Variants in PTPRN observed in about 807,000 individuals in gnomAD.
The protein encoded by PTPRN is receptor-type tyrosine-protein phosphatase-like N.
A neutral mutation model predicts 108.5 loss-of-function variants in PTPRN; 70 were observed. That is an observed-to-expected ratio of 0.65 (90% CI 0.53 to 0.79). The LOEUF (loss-of-function observed/expected upper bound fraction) is 0.79. PTPRN is among the 30% of genes least tolerant of loss of function. The pLI is 0.00. For synonymous variants in PTPRN, 496 were observed against 524.6 expected (o/e 0.95, Z 0.75); for missense variants, 1,136 against 1,295.5 (o/e 0.88, Z 1.89).
chr2:219,307,677 T>C (rs1277363519), intron 2 of PTPRN, 115 bp downstream of exon 2: 1 of 1,476,960 alleles, frequency 6.8e-7, no homozygotes. Context: ...CAGGCAAGTC[T>C]TCCTTCTTCT....
At position 219,290,488 on chromosome 2, in the gene PTPRN, G is replaced by T; in HGVS notation, c.2868+50C>A. On this transcript the variant is annotated intron_variant, in intron 22 of 22. Transcript: ENST00000295718. This position sits in a 1 kb window ranked among gnomAD's most constrained non-coding sequence, Gnocchi z 4.2. ...CTTTCCCTGGGGTGGCCAAGAAGTG[G>T]GTGCTAGGGAAGGGTGGGAGCTGGG... 6.6e-7 allele frequency: 1 copy of T among 1,514,192 alleles called. No homozygotes were observed. Among genetic ancestry groups the T allele is most frequent in the Non-Finnish European group, 9.0e-7 (1 of 1,114,380 alleles). The allele number at this position is 1,514,192 out of a possible 1,614,324, so 93.8% of individuals were successfully genotyped here.
chr2:219,299,013 G>A (rs751648962), intron 12 of PTPRN, 34 bp downstream of exon 12: 17 of 1,611,714 alleles, frequency 1.1e-5, no homozygotes, highest in Admixed American at 3.3e-5. Flanking sequence ...TCAGCCCTCT[G>A]GGGACTTGGA....
chr2:219,298,974 T>A, intron 12 of PTPRN, 73 bp downstream of exon 12: 1 of 1,569,282 alleles, frequency 6.4e-7, no homozygotes, highest in South Asian at 1.1e-5. Flanking sequence ...TTCTCCCCTC[T>A]GGTTTGCCTC....
chr2:219,299,822 G>A, intron 9 of PTPRN, 36 bp from the exon 10 acceptor site: 1 of 1,575,936 alleles, frequency 6.3e-7, no homozygotes, highest in Non-Finnish European at 8.7e-7. Context: ...GGAAAGTGGG[G>A]CAACCCTCTC....
Position 219,296,023 on chromosome 2 carries a change from GACAC to G in PTPRN, c.2508+199_2508+202del, listed in dbSNP as rs574826868. 1 of 663,954 alleles carries G rather than the reference GACAC, an allele frequency of 1.5e-6. No individual in the cohort carries two copies. Among genetic ancestry groups the G allele is most frequent in the African/African-American group, 1.8e-5 (1 of 54,624 alleles). The allele number at this position is 663,954 out of a possible 1,614,324, so 41.1% of individuals were successfully genotyped here. A position where few individuals can be genotyped will look rare whatever the true frequency, so the allele number is the denominator to read the frequency against. On this transcript the variant is annotated intron_variant, in intron 18 of 22. Transcript: ENST00000295718. The surrounding 1 kb of genome is among the most constrained non-coding windows in gnomAD (Gnocchi z 6.0). The stretch of plus-strand genomic sequence containing the variant: ...ACACACATGTATGTTCTGTAAACAG[GACAC>G]ACACATGTATATATGTGAATATATG...
Position 219,296,649 on chromosome 2 carries a change from CA to C in PTPRN, c.2310+99del. 6.4e-7 allele frequency: 1 copy of C among 1,564,624 alleles called. No individual in the cohort carries two copies. The highest frequency in any genetic ancestry group is 8.8e-7 in the Non-Finnish European group (1 of 1,142,646). On this transcript the variant is annotated intron_variant, in intron 16 of 22. Coordinates refer to ENST00000295718, the MANE Select transcript of PTPRN (RefSeq NM_002846.4). This position sits in a 1 kb window ranked among gnomAD's most constrained non-coding sequence, Gnocchi z 6.0. Reference sequence around the variant, plus strand: ...GCTAGGATATCAGGCCCCACCACTCCAGGGGGTTGGTGGGGTGGCAGGTGAC... The same window carrying C: ...GCTAGGATATCAGGCCCCACCACTCCGGGGGTTGGTGGGGTGGCAGGTGAC...
Position 219,297,167 on chromosome 2 carries a change from C to G in PTPRN, c.2089-35G>C, listed in dbSNP as rs1163608607. ...CACCACGGTCTGGCTCTGGCCCACA[C>G]AGCCAGCCTGGCCTCTCTCACCATC... is the stretch of plus-strand genomic sequence containing the variant. On this transcript the variant is annotated intron_variant, in intron 14 of 22. Coordinates refer to ENST00000295718, the MANE Select transcript of PTPRN (RefSeq NM_002846.4). This position sits in a 1 kb window ranked among gnomAD's most constrained non-coding sequence, Gnocchi z 6.0. 6.2e-7 allele frequency: 1 copy of G among 1,611,678 alleles called. No individual in the cohort carries two copies. The highest frequency in any genetic ancestry group is 2.2e-5 in the East Asian group (1 of 44,848).
Position 219,296,703 on chromosome 2 carries a change from G to A in PTPRN, c.2310+46C>T. The A allele has an allele frequency of 6.2e-7, 1 of 1,607,232 alleles. No homozygotes were observed. Among genetic ancestry groups the A allele is most frequent in the Non-Finnish European group, 8.5e-7 (1 of 1,175,748 alleles). On this transcript the variant is annotated intron_variant, in intron 16 of 22. Transcript: ENST00000295718. The surrounding 1 kb of genome is among the most constrained non-coding windows in gnomAD (Gnocchi z 6.0). Reference sequence around the variant, plus strand: ...CGGGGAAATGGAGTGCATAGGGCCAGGATAATGATGGGGCAGAGGTGGGGG... The same window carrying A: ...CGGGGAAATGGAGTGCATAGGGCCAAGATAATGATGGGGCAGAGGTGGGGG...
At chr2:219,302,093 C>G in intron 6 of PTPRN, 44 bp downstream of exon 6, 1 of 1,502,032 alleles carries the variant, frequency 6.7e-7, no homozygotes, top group Non-Finnish European at 8.9e-7. Context: ...ATGGTTCCCC[C>G]AAAGCAGCCC....
At chr2:219,299,488 A>T in intron 10 of PTPRN, 104 bp from the exon 11 acceptor site, 4 of 1,361,282 alleles carry the variant, frequency 2.9e-6, no homozygotes, top group Non-Finnish European at 4.2e-6. Context: ...GGGCTGGAGC[A>T]GATCGGGGAT....
chr2:219,298,928 C>T (rs559216943), intron 12 of PTPRN, 119 bp downstream of exon 12: 25 of 1,244,758 alleles, frequency 2.0e-5, no homozygotes, highest in Non-Finnish European at 2.8e-5. Context: ...AGGCCGCCTC[C>T]AGCCAGCCGT....
intron 3 of PTPRN, among the ~76,000 whole-genome samples, chr2:219,306,252 C>T (rs1308223831): frequency 1.3e-5 from 2 of 152,218 alleles, no homozygotes; most frequent in African/African-American, 2.4e-5. Context: ...TGCTGACTAC[C>T]TTAAAAATAA....
Position 219,300,494 on chromosome 2 carries a change from G to A in PTPRN, c.1162-235C>T, listed in dbSNP as rs192402674. 9.7e-4 allele frequency: 488 copies of A among 500,566 alleles called. 2 individuals are homozygous for A. Among genetic ancestry groups the A allele is most frequent in the African/African-American group, 9.1e-3 (463 of 51,008 alleles). The allele number at this position is 500,566 out of a possible 1,614,324, so 31.0% of individuals were successfully genotyped here. On this transcript the variant is annotated intron_variant, in intron 8 of 22. Coordinates refer to ENST00000295718, the MANE Select transcript of PTPRN (RefSeq NM_002846.4). Reference sequence around the variant, plus strand: ...GGTCTGTACTAATCCACAGAATGGGGCTGGAGACAGAAAACCCCTGCAGCA... The same window carrying A: ...GGTCTGTACTAATCCACAGAATGGGACTGGAGACAGAAAACCCCTGCAGCA...
intron 19 of PTPRN, chr2:219,294,269 G>A (rs1194354054): frequency 4.6e-6 from 2 of 435,530 alleles, no homozygotes; most frequent in East Asian, 7.2e-5. Flanking sequence ...GCGGGAGGGA[G>A]AGGGAGAGAC....
In PTPRN at chr2:219,296,887, A is replaced by T; in HGVS notation, c.2237-65T>A. 2 of 1,612,936 alleles carry T rather than the reference A, an allele frequency of 1.2e-6. No individual in the cohort carries two copies. The highest frequency in any genetic ancestry group is 2.2e-5 in the South Asian group (2 of 90,988). On this transcript the variant is annotated intron_variant, in intron 15 of 22. Coordinates refer to ENST00000295718, the MANE Select transcript of PTPRN (RefSeq NM_002846.4). The surrounding 1 kb of genome is among the most constrained non-coding windows in gnomAD (Gnocchi z 6.0). ...TCATTGGCATCGCGGGACCTCTGCC[A>T]CTCAGCCTGAGCCAGAAGCCCAACC...
chr2:219,295,463 C>G, intron 18 of PTPRN: 1 of 244,880 alleles, frequency 4.1e-6, no homozygotes, highest in Non-Finnish European at 7.8e-6. Flanking sequence ...AGTATTCTTA[C>G]TGGATTTTTT....
Position 219,299,998 on chromosome 2 carries a change from C to T in PTPRN, c.1423G>A (p.Val475Ile), listed in dbSNP as rs150781996. 83 of 1,614,204 alleles carry T rather than the reference C, an allele frequency of 5.1e-5. No individual in the cohort carries two copies. Among genetic ancestry groups the T allele is most frequent in the Middle Eastern group, 3.3e-4 (2 of 6,062 alleles). Reference sequence around the variant, plus strand: ...TGCAGCCCTTACTTCTGATCAGTGACGATGTAGCCATATTCCTCTGCTGCT... The same window carrying T: ...TGCAGCCCTTACTTCTGATCAGTGATGATGTAGCCATATTCCTCTGCTGCT... ...RPAAEEYGYIVTDQKPLSLAA... is the reference protein window; with the variant it reads ...RPAAEEYGYIITDQKPLSLAA... Residue 475 changes from valine to isoleucine, a missense_variant, in exon 9 of 23, where the codon GTC (valine) becomes ATC (isoleucine). By Grantham distance (29) the Val-to-Ile change is conservative. Coordinates refer to ENST00000295718, the MANE Select transcript of PTPRN (RefSeq NM_002846.4).
In PTPRN at chr2:219,290,096, T is replaced by A; in HGVS notation, c.*130A>T. The stretch of plus-strand genomic sequence containing the variant: ...CGTGCCCCTTCTGGCTTTCCCTTCC[T>A]GACTCTTCTAGGAAGGGCTGAGCAT... On this transcript the variant is annotated 3_prime_UTR_variant, in exon 23 of 23. Coordinates refer to ENST00000295718, the MANE Select transcript of PTPRN (RefSeq NM_002846.4). This position sits in a 1 kb window ranked among gnomAD's most constrained non-coding sequence, Gnocchi z 4.2. 1.1e-6 allele frequency: 1 copy of A among 896,584 alleles called. No individual in the cohort carries two copies. The highest frequency in any genetic ancestry group is 1.8e-6 in the Non-Finnish European group (1 of 568,596). 55.5% of individuals were successfully genotyped at this position (896,584 alleles called of 1,614,324 possible).
intron 11 of PTPRN, 76 bp from the exon 12 acceptor site, chr2:219,299,187 A>G: frequency 6.2e-7 from 1 of 1,604,140 alleles, no homozygotes; most frequent in Non-Finnish European, 8.5e-7. Context: ...GCCAAGCAGC[A>G]GGCAGGGCCC....
Sources: gnomAD v4.1 joint callset for allele counts (sites outside exome capture counted in the v4.1 genomes callset) on GRCh38, gnomAD v4.1.1 for gene constraint, Gnocchi (gnomAD v3.1) non-coding constraint, MANE v1.5 for transcripts, NCBI Gene and HGNC (gene_info 2026-07-23, HGNC 2026-07-21) for gene names.